The following RPS6KA2 variants were observed in gnomAD, a reference collection of about 807,000 sequenced individuals.
The protein encoded by RPS6KA2 is ribosomal protein S6 kinase alpha-2.
A neutral mutation model predicts 91.8 loss-of-function variants in RPS6KA2; 42 were observed. That is an observed-to-expected ratio of 0.46 (90% CI 0.36 to 0.59). The LOEUF is 0.59. Ranked by LOEUF, RPS6KA2 falls within the 20% of genes least tolerant of loss-of-function variation. The pLI is 0.00. For synonymous variants in RPS6KA2, 414 were observed against 393.6 expected (o/e 1.05, Z -0.61); for missense variants, 798 against 978.5 (o/e 0.82, Z 2.46).
chr6:166,589,487 C>T (rs114427287), intron 1 of RPS6KA2, among the ~76,000 whole-genome samples: 215 of 152,290 alleles, frequency 1.4e-3, no homozygotes, highest in African/African-American at 4.9e-3. Context: ...ATCTTCTATG[C>T]CCGACAGGAG....
chr6:166,481,004 A>G (rs1781197843), intron 10 of RPS6KA2, among the ~76,000 whole-genome samples: 1 of 152,202 alleles, frequency 6.6e-6, no homozygotes, highest in East Asian at 1.9e-4. Context: ...CAATTTTTCT[A>G]TAGAATAAAA....
At chr6:166,616,805 C>G (rs1397323370) in intron 1 of RPS6KA2, among the ~76,000 whole-genome samples, 1 of 152,218 alleles carries the variant, frequency 6.6e-6, no homozygotes, top group African/African-American at 2.4e-5. Context: ...GCAGTGAGCC[C>G]ACTGTGGTGC....
At chr6:166,621,710 T>C (rs1204047008) in intron 1 of RPS6KA2, among the ~76,000 whole-genome samples, 2 of 152,214 alleles carry the variant, frequency 1.3e-5, no homozygotes, top group East Asian at 1.9e-4. Flanking sequence ...GCTAAGTTAC[T>C]GGTTACCAAC....
At chr6:166,609,720 G>A (rs991514659) in intron 1 of RPS6KA2, among the ~76,000 whole-genome samples, 28 of 151,990 alleles carry the variant, frequency 1.8e-4, no homozygotes, top group African/African-American at 6.5e-4. Context: ...GGCTGGTCTC[G>A]AACTCCTGAC....
intron 2 of RPS6KA2, among the ~76,000 whole-genome samples, chr6:166,716,592 T>C (rs1790020090): frequency 6.6e-6 from 1 of 152,260 alleles, no homozygotes; most frequent in Admixed American, 6.5e-5. Context: ...AACGTCCCTC[T>C]GCACTGCACG....
chr6:166,490,197 A>G lies in RPS6KA2; in HGVS notation c.818+474T>C, dbSNP rs951238164. On this transcript the variant is annotated intron_variant, in intron 9 of 20. Transcript: ENST00000265678. This position sits in a 1 kb window ranked among gnomAD's most constrained non-coding sequence, Gnocchi z 4.2. Reference sequence around the variant, plus strand: ...CCGAGTCCTGCCAAGGTCAACCAGGAGTGCTATATGAATGGGGTCAGCAGG... The same window carrying G: ...CCGAGTCCTGCCAAGGTCAACCAGGGGTGCTATATGAATGGGGTCAGCAGG... Among the ~76,000 whole-genome samples the G allele has an allele frequency of 3.3e-5, 5 of 152,170 alleles. No homozygotes were observed. Among genetic ancestry groups the G allele is most frequent in the Admixed American group, 3.3e-4 (5 of 15,276 alleles).
At chr6:166,568,572 T>C (rs1331021724) in intron 1 of RPS6KA2, among the ~76,000 whole-genome samples, 1 of 126,460 alleles carries the variant, frequency 7.9e-6, no homozygotes, top group Non-Finnish European at 1.6e-5. Flanking sequence ...GAGCCGAGAT[T>C]GCGCCATCGC....
intron 1 of RPS6KA2, among the ~76,000 whole-genome samples, chr6:166,615,631 C>T (rs914701640): frequency 5.9e-5 from 9 of 152,308 alleles, no homozygotes; most frequent in African/African-American, 1.4e-4. Context: ...CGTGTGCTCG[C>T]TCCGCTCATA....
intron 2 of RPS6KA2, among the ~76,000 whole-genome samples, chr6:166,723,762 G>A (rs559272978): frequency 4.6e-4 from 68 of 148,350 alleles, no homozygotes; most frequent in Non-Finnish European, 8.4e-4. Context: ...GTGCAATGGC[G>A]CGATCTTGGC....
intron 2 of RPS6KA2, among the ~76,000 whole-genome samples, chr6:166,847,821 T>C (rs1182415232): frequency 1.3e-5 from 2 of 152,126 alleles, no homozygotes; most frequent in African/African-American, 2.4e-5. Context: ...GAAGATAACA[T>C]TGGAAAAACC....
In RPS6KA2 at chr6:166,586,224, C is replaced by T. The variant is rs539542926; in HGVS notation, c.99+40697G>A. ...TTGCGGGTAGTTGTTACCCCAGGAT[C>T]GTCCATGCCACTGATTGGATCGATT... is the stretch of plus-strand genomic sequence containing the variant. On this transcript the variant is annotated intron_variant, in intron 1 of 20. Transcript: ENST00000265678. The T allele has an allele frequency of 1.5e-3, 2,363 of 1,592,256 alleles. 14 individuals are homozygous for T. Among genetic ancestry groups the T allele is most frequent in the South Asian group, 0.011 (1,002 of 90,886 alleles).
intron 1 of RPS6KA2, among the ~76,000 whole-genome samples, chr6:166,621,231 C>G (rs147730076): frequency 6.0e-4 from 92 of 152,290 alleles, no homozygotes; most frequent in Admixed American, 9.8e-4. Flanking sequence ...CTTGGCTGGT[C>G]GGAAACACTG....
chr6:166,634,122 G>A (rs1188869058), intron 2 of RPS6KA2, among the ~76,000 whole-genome samples: 2 of 152,230 alleles, frequency 1.3e-5, no homozygotes, highest in African/African-American at 4.8e-5. Flanking sequence ...GTGAAGCCAA[G>A]GACGACAGGG....
chr6:166,671,068 C>T (rs115561081), intron 2 of RPS6KA2, among the ~76,000 whole-genome samples: 2,571 of 152,240 alleles, frequency 0.017, 72 homozygotes, highest in African/African-American at 0.059. Flanking sequence ...CCGTCTCTAC[C>T]TCCCAAAGTG....
At chr6:166,836,076 C>CT (rs1342161370) in intron 2 of RPS6KA2, among the ~76,000 whole-genome samples, 4 of 152,038 alleles carry the variant, frequency 2.6e-5, no homozygotes, top group Admixed American at 6.5e-5. Flanking sequence ...ATAAGTTCTA[C>CT]TTTTTTATGA....
intron 2 of RPS6KA2, among the ~76,000 whole-genome samples, chr6:166,819,823 T>C (rs1386896666): frequency 2.6e-5 from 4 of 152,342 alleles, no homozygotes; most frequent in African/African-American, 9.6e-5. Flanking sequence ...GGAATAATCT[T>C]GTATTTACTG....
rs561343907 is a variant in RPS6KA2 at position 166,656,116 on chromosome 6, C to A, written c.124-117332G>T. Among the ~76,000 whole-genome samples the A allele has an allele frequency of 2.6e-5, 4 of 152,234 alleles. No homozygotes were observed. The South Asian group carries it at 8.3e-4, about 32-fold the overall frequency. ...AACCGTGAACAAAGGAAGAGAGACA[C>A]GGTGGAAGCTCACCGAGAGCTTCTT... On this transcript the variant is annotated intron_variant, in intron 2 of 21. Coordinates refer to the RPS6KA2 transcript ENST00000503859.
intron 2 of RPS6KA2, among the ~76,000 whole-genome samples, chr6:166,669,900 A>T (rs9348168): frequency 2.0e-5 from 3 of 152,076 alleles, no homozygotes; most frequent in Non-Finnish European, 4.4e-5. Flanking sequence ...TGCAGGTGTG[A>T]TAGCAAGGAG....
intron 11 of RPS6KA2, among the ~76,000 whole-genome samples, chr6:166,462,325 G>A (rs116658049): frequency 7.8e-4 from 118 of 152,156 alleles, no homozygotes; most frequent in African/African-American, 2.2e-3. Context: ...CTCCCTCCTC[G>A]TCCACCGATG....
Sources: gnomAD v4.1 joint callset for allele counts (sites outside exome capture counted in the v4.1 genomes callset) on GRCh38, gnomAD v4.1.1 for gene constraint, Gnocchi (gnomAD v3.1) non-coding constraint, MANE v1.5 for transcripts, NCBI Gene and HGNC (gene_info 2026-07-23, HGNC 2026-07-21) for gene names.